CFAP97: variants seen among roughly 807,000 people sequenced by gnomAD.
CFAP97 encodes cilia- and flagella-associated protein 97.
Under a neutral mutation model 43.1 loss-of-function variants are expected in CFAP97, and 36 were observed. The ratio of observed to expected loss-of-function variants is 0.84; its 90% CI spans 0.64 to 1.10. The LOEUF (loss-of-function observed/expected upper bound fraction) is 1.10. CFAP97 is among the 50% of genes least tolerant of loss of function. CFAP97 has a pLI of 0.00. For missense variants in CFAP97, 657 were observed against 620.3 expected, an observed-to-expected ratio of 1.06 and a Z score of -0.63; for synonymous variants, 228 against 225.7, an observed-to-expected ratio of 1.01 and a Z score of -0.09.
At chr4:185,210,084 G>A, upstream of CFAP97, 9 of 984,186 alleles carry the variant, frequency 9.1e-6, no homozygotes, top group Non-Finnish European at 1.1e-5. This position sits in a 1 kb window ranked among gnomAD's most constrained non-coding sequence, Gnocchi z 4.4. Flanking sequence ...GGGCCGCGGG[G>A]CTGAGCTCCG....
intron 1 of CFAP97, among the ~76,000 whole-genome samples, chr4:185,200,979 A>C (rs938707359): frequency 4.6e-5 from 7 of 152,208 alleles, no homozygotes; most frequent in Non-Finnish European, 1.0e-4. Context: ...CTGTATACTT[A>C]GCTAATAAAG....
At chr4:185,199,842 A>T (rs1736744406) in intron 1 of CFAP97, among the ~76,000 whole-genome samples, 1 of 149,234 alleles carries the variant, frequency 6.7e-6, no homozygotes, top group Non-Finnish European at 1.5e-5. Context: ...CAAAAAATTC[A>T]AAATATTACT....
chr4:185,194,226 C>T (rs558667370), intron 1 of CFAP97, among the ~76,000 whole-genome samples: 6 of 152,294 alleles, frequency 3.9e-5, no homozygotes, highest in African/African-American at 4.8e-5. Context: ...CAGTGGCTCA[C>T]GCCTGTAATC....
At chr4:185,168,410 C>T (rs1735154359) in intron 3 of CFAP97, among the ~76,000 whole-genome samples, 1 of 151,592 alleles carries the variant, frequency 6.6e-6, no homozygotes, top group Middle Eastern at 3.2e-3. Flanking sequence ...AGTTTGAGAC[C>T]AGCCTGGCCA....
chr4:185,186,046 T>A (rs776661095), intron 2 of CFAP97, among the ~76,000 whole-genome samples: 1 of 152,134 alleles, frequency 6.6e-6, no homozygotes, highest in African/African-American at 2.4e-5. Context: ...TCAAGAAAGA[T>A]CAATATGTTT....
chr4:185,172,703 G>C (rs1436133924), intron 3 of CFAP97, among the ~76,000 whole-genome samples: 1 of 152,022 alleles, frequency 6.6e-6, no homozygotes, highest in African/African-American at 2.4e-5. Context: ...AATATTAACA[G>C]TCTAGCAAAC....
intron 3 of CFAP97, chr4:185,169,782 C>G: frequency 1.0e-6 from 1 of 985,436 alleles, no homozygotes; most frequent in Non-Finnish European, 1.2e-6. Context: ...CCCACACAGG[C>G]AGAATCAAGA....
chr4:185,189,438 G>A (rs1290591360), intron 2 of CFAP97, among the ~76,000 whole-genome samples: 1 of 151,942 alleles, frequency 6.6e-6, no homozygotes, highest in African/African-American at 2.4e-5. Context: ...TATCATCAAC[G>A]GACCTAAAAC....
At chr4:185,194,014 C>T (rs1280515277) in intron 1 of CFAP97, among the ~76,000 whole-genome samples, 2 of 152,164 alleles carry the variant, frequency 1.3e-5, no homozygotes, top group African/African-American at 4.8e-5. Flanking sequence ...ACTACCTGTC[C>T]GTAAACGAAA....
Position 185,200,424 on chromosome 4 carries a change from G to A in CFAP97, c.-17+3474C>T, listed in dbSNP as rs190208515. ...GGAGGCTGTGGCAGGCAAATGACTT[G>A]AGGACAGTAGTTCGAGACCAGCCTG... On this transcript the variant is annotated intron_variant, in intron 1 of 4. Transcript: ENST00000458385. Among the ~76,000 whole-genome samples, 238 of 152,282 alleles carry A rather than the reference G, an allele frequency of 1.6e-3. 1 individual carries two copies. Among genetic ancestry groups the A allele is most frequent in the African/African-American group, 5.6e-3 (231 of 41,538 alleles).
intron 4 of CFAP97, 59 bp downstream of exon 4, chr4:185,163,970 T>G (rs2111309899): frequency 1.3e-6 from 2 of 1,499,258 alleles, no homozygotes; most frequent in East Asian, 4.6e-5. Context: ...CATGTTACGT[T>G]TTTTTAAAAA....
intron 3 of CFAP97, chr4:185,169,748 G>A: frequency 1.0e-6 from 1 of 985,348 alleles, no homozygotes; most frequent in Non-Finnish European, 1.2e-6. Context: ...ACCTTGTAAG[G>A]ACACTAAAAA....
At chr4:185,175,412 G>T (rs1735475562) in intron 3 of CFAP97, among the ~76,000 whole-genome samples, 1 of 152,014 alleles carries the variant, frequency 6.6e-6, no homozygotes, top group South Asian at 2.1e-4. Context: ...GACCACGGGT[G>T]TGTGCCACCA....
chr4:185,204,892 A>T (rs1560881453), upstream of CFAP97, among the ~76,000 whole-genome samples: 1 of 152,220 alleles, frequency 6.6e-6, no homozygotes, highest in East Asian at 1.9e-4. Flanking sequence ...TTGATTTTAG[A>T]CTTAATACCT....
upstream of CFAP97, among the ~76,000 whole-genome samples, chr4:185,208,685 C>G: frequency 6.6e-6 from 1 of 151,634 alleles, no homozygotes; most frequent in East Asian, 2.0e-4. Flanking sequence ...CCGAGATCGC[C>G]CCACTGCACT....
At chr4:185,178,240 C>CTTTTTTTTTTTTTTTTTTT in intron 2 of CFAP97, among the ~76,000 whole-genome samples, 1 of 64,236 alleles carries the variant, frequency 1.6e-5, no homozygotes, top group Non-Finnish European at 3.0e-5. Flanking sequence ...CGGTTTTTGT[C>CTTTTTTTTTTTTTTTTTTT]TTTTTTTTTT....
intron 1 of CFAP97, among the ~76,000 whole-genome samples, chr4:185,195,702 C>A (rs139678015): frequency 1.3e-5 from 2 of 152,200 alleles, no homozygotes; most frequent in African/African-American, 2.4e-5. Flanking sequence ...TAGAGGCCTG[C>A]GATCTTGAGT....
upstream of CFAP97, chr4:185,209,695 C>T (rs1737434403): frequency 1.0e-6 from 1 of 971,024 alleles, no homozygotes; most frequent in Non-Finnish European, 1.2e-6. The surrounding 1 kb of genome is among the most constrained non-coding windows in gnomAD (Gnocchi z 5.2). Flanking sequence ...AGGGGCCCGG[C>T]GGCGTCTGCG....
rs531764566 is a variant in CFAP97, at chr4:185,183,057, G to A, written c.1055-7006C>T. 2.1e-4 allele frequency among the ~76,000 whole-genome samples: 32 copies of A among 151,588 alleles called. 1 individual carries two copies. The South Asian group carries it at 6.0e-3, about 29-fold the overall frequency. ...GGAGGCTGCAGTAAGCTGAGATTGC[G>A]CCACTGCATTCTAGCCTGGGTGACA... On this transcript the variant is annotated intron_variant, in intron 2 of 4. Coordinates refer to ENST00000458385, the MANE Select transcript of CFAP97 (RefSeq NM_020827.3).
Sources: allele counts gnomAD v4.1 joint callset (sites outside exome capture counted in the v4.1 genomes callset), GRCh38; gene constraint gnomAD v4.1.1; non-coding constraint Gnocchi (gnomAD v3.1); transcripts MANE v1.5; gene names NCBI Gene and HGNC (gene_info 2026-07-23, HGNC 2026-07-21).